The following DDX42 variants were observed in gnomAD, a reference collection of about 807,000 sequenced individuals.
DDX42 encodes DEAD-box helicase 42.
DDX42 carries 22 observed loss-of-function variants against 101.5 expected under a neutral mutation model. That is an observed-to-expected ratio of 0.22 (90% CI 0.15 to 0.31). DDX42 has a LOEUF of 0.31. Ranked by LOEUF, DDX42 falls within the 10% of genes least tolerant of loss-of-function variation. The pLI is 1.00. For synonymous variants in DDX42, 402 were observed against 401.2 expected (o/e 1.00, Z -0.02); for missense variants, 849 against 1,199.9 (o/e 0.71, Z 4.32).
chr17:63,799,721 C>T, intron 5 of DDX42, 96 bp downstream of exon 5: 1 of 1,252,552 alleles, frequency 8.0e-7, no homozygotes, highest in African/African-American at 1.5e-5. Context: ...ATGGCCATTC[C>T]TGACATTCAG....
intron 8 of DDX42, among the ~76,000 whole-genome samples, chr17:63,807,449 A>G (rs1315041008): frequency 6.6e-6 from 1 of 152,038 alleles, no homozygotes; most frequent in African/African-American, 2.4e-5. Flanking sequence ...TTGATTTTTC[A>G]TTTCTGTATT....
At chr17:63,776,225 A>G (rs2039419513) in intron 1 of DDX42, 1 of 152,270 alleles carries the variant, frequency 6.6e-6, no homozygotes, top group Non-Finnish European at 1.5e-5. Context: ...GCCATTGCCG[A>G]AAACACAAAC....
chr17:63,799,686 AAGCTAG>A, intron 5 of DDX42, 61 bp downstream of exon 5: 1 of 1,512,726 alleles, frequency 6.6e-7, no homozygotes, highest in South Asian at 1.3e-5. Flanking sequence ...TACTGGGGAC[AAGCTAG>A]AGCTTGCCTT....
chr17:63,795,991 G>T (rs2144554760), intron 3 of DDX42, among the ~76,000 whole-genome samples: 1 of 152,306 alleles, frequency 6.6e-6, no homozygotes, highest in Non-Finnish European at 1.5e-5. Flanking sequence ...GTATACGTGT[G>T]TCTTGCAGCA....
chr17:63,807,524 G>A (rs570122370), intron 8 of DDX42, among the ~76,000 whole-genome samples, 200 bp from the exon 9 acceptor site: 6 of 152,248 alleles, frequency 3.9e-5, no homozygotes, highest in East Asian at 1.9e-4. Flanking sequence ...TGAGAATGAT[G>A]TCATTTCCTA....
At chr17:63,803,129 A>C (rs762607418) in intron 6 of DDX42, among the ~76,000 whole-genome samples, 1 of 152,202 alleles carries the variant, frequency 6.6e-6, no homozygotes, top group Non-Finnish European at 1.5e-5. Context: ...TCAATGTATG[A>C]CATTACAAAG....
chr17:63,791,827 C>A (rs951995826), intron 2 of DDX42, among the ~76,000 whole-genome samples: 3 of 152,050 alleles, frequency 2.0e-5, no homozygotes. Flanking sequence ...GGGCAGATCA[C>A]GTAAGGTAAG....
chr17:63,812,033 T>C lies in DDX42; in HGVS notation c.1500T>C (p.Ser500=), dbSNP rs925668954. 3 of 1,613,994 alleles carry C rather than the reference T, an allele frequency of 1.9e-6. No homozygotes were observed. The African/African-American group carries it at 4.0e-5, about 22-fold the overall frequency. The change falls in exon 14 of 18, where the codon AGT becomes AGC. Residue 500 remains serine (S), a synonymous_variant. Transcript: ENST00000389924. ...RRLVEFTSSG[S]VLLFVTKKAN... ...TGGTAGAATTTACCTCTTCAGGGAG[T>C]GTCCTCCTCTTTGTTACTAAAAAAG...
chr17:63,800,389 C>T, intron 5 of DDX42, 79 bp from the exon 6 acceptor site: 1 of 1,393,922 alleles, frequency 7.2e-7, no homozygotes, highest in East Asian at 2.3e-5. Flanking sequence ...TTATCTGGTA[C>T]ACTATGTGCG....
intron 5 of DDX42, 26 bp downstream of exon 5, chr17:63,799,651 C>T (rs766718306): frequency 1.9e-6 from 3 of 1,607,300 alleles, no homozygotes; most frequent in Admixed American, 3.4e-5. Context: ...GTATTTCTAT[C>T]TTTTATTTTT....
chr17:63,798,425 A>G (rs1030134550), intron 4 of DDX42, among the ~76,000 whole-genome samples: 2 of 152,250 alleles, frequency 1.3e-5, no homozygotes, highest in African/African-American at 4.8e-5. Flanking sequence ...TTTGTCGCAT[A>G]ATTAATATAA....
intron 1 of DDX42, among the ~76,000 whole-genome samples, chr17:63,775,340 A>G (rs1183941129): frequency 6.6e-6 from 1 of 151,860 alleles, no homozygotes; most frequent in Non-Finnish European, 1.5e-5. Context: ...GCGCCGTTCT[A>G]GGTGATAGGG....
rs112975449 is a variant in DDX42, at chr17:63,790,131, A to G, written c.222-2281A>G. 7.0e-3 allele frequency among the ~76,000 whole-genome samples: 1,061 copies of G among 152,266 alleles called. 10 individuals carry two copies. Among genetic ancestry groups the G allele is most frequent in the African/African-American group, 0.023 (962 of 41,560 alleles). On this transcript the variant is annotated intron_variant, in intron 2 of 17. Transcript: ENST00000389924. ...CACTGCACATCAGCCTGTATGTCAGAGTGAGACTCTGTCTCTAAAAAAACA... is the reference window on the plus strand; with the variant it reads ...CACTGCACATCAGCCTGTATGTCAGGGTGAGACTCTGTCTCTAAAAAAACA...
intron 1 of DDX42, among the ~76,000 whole-genome samples, chr17:63,784,776 A>ATT (rs1470568436): frequency 7.4e-6 from 1 of 135,878 alleles, no homozygotes; most frequent in Non-Finnish European, 1.6e-5. Flanking sequence ...TGTCTTAAAA[A>ATT]AAGATTTTTT....
At chr17:63,806,386 T>C in intron 7 of DDX42, 149 bp from the exon 8 acceptor site, 1 of 750,720 alleles carries the variant, frequency 1.3e-6, no homozygotes. Flanking sequence ...TTTGAGGTTT[T>C]TCCTTTTCAT....
rs1187513841 is a variant in DDX42, at chr17:63,810,503, T to C, written c.1253-10T>C. ...AGGTTATAATAATTTTATTGTTCTG[T>C]TTCTTGCAGAGTACCAAGTTCGATC... On this transcript the variant is annotated splice_polypyrimidine_tract_variant and intron_variant, in intron 11 of 17. Transcript: ENST00000389924. The C allele has an allele frequency of 1.2e-6, 2 of 1,613,906 alleles. No homozygotes were observed. The highest frequency in any genetic ancestry group is 1.7e-6 in the Non-Finnish European group (2 of 1,179,858).
intron 1 of DDX42, among the ~76,000 whole-genome samples, chr17:63,783,017 T>C (rs2039507352): frequency 6.6e-6 from 1 of 152,218 alleles, no homozygotes; most frequent in African/African-American, 2.4e-5. Context: ...TCCTTCCATC[T>C]GAAATGCCCT....
At chr17:63,786,079 G>A (rs2039544718) in intron 1 of DDX42, among the ~76,000 whole-genome samples, 1 of 152,142 alleles carries the variant, frequency 6.6e-6, no homozygotes, top group African/African-American at 2.4e-5. Context: ...TAATTAGCAG[G>A]CAAATCCTTT....
At chr17:63,809,207 A>G (rs898587356) in intron 10 of DDX42, among the ~76,000 whole-genome samples, 6 of 152,228 alleles carry the variant, frequency 3.9e-5, no homozygotes, top group African/African-American at 1.4e-4. Context: ...AATGATTGCC[A>G]AGTTCATCAA....
Sources: gnomAD v4.1 joint callset for allele counts (sites outside exome capture counted in the v4.1 genomes callset) on GRCh38, gnomAD v4.1.1 for gene constraint, MANE v1.5 for transcripts, NCBI Gene and HGNC (gene_info 2026-07-23, HGNC 2026-07-21) for gene names.